The following FGF14 variants were observed in gnomAD, a reference collection of about 807,000 sequenced individuals.
FGF14 encodes fibroblast growth factor homologous factor 4.
Under a neutral mutation model 25.5 loss-of-function variants are expected in FGF14, and 5 were observed. The ratio of observed to expected loss-of-function variants is 0.20; its 90% CI spans 0.10 to 0.41. The LOEUF (loss-of-function observed/expected upper bound fraction) is 0.41. Among genes scored for constraint, FGF14 ranks in the 10% least tolerant of loss-of-function variants. The probability of loss-of-function intolerance (pLI) is 1.00; values close to 1 mark genes in which losing one functional copy is unlikely to be tolerated. For synonymous variants in FGF14, 138 were observed against 118.3 expected, an observed-to-expected ratio of 1.17 and a Z score of -1.08; for missense variants, 222 against 320.1, an observed-to-expected ratio of 0.69 and a Z score of 2.34.
At chr13:101,851,518 G>A (rs908094663) in intron 3 of FGF14, among the ~76,000 whole-genome samples, 5 of 152,024 alleles carry the variant, frequency 3.3e-5, no homozygotes, top group African/African-American at 1.2e-4. Flanking sequence ...TTTAAGCAAT[G>A]TACAATCTGG....
chr13:102,239,070 C>A (rs575298720), intron 1 of FGF14, among the ~76,000 whole-genome samples: 79 of 111,904 alleles, frequency 7.1e-4, no homozygotes, highest in Non-Finnish European at 9.8e-4. Context: ...TTCAGTAACT[C>A]GCTGGTTAAA....
intron 3 of FGF14, among the ~76,000 whole-genome samples, chr13:101,862,780 A>G (rs1223431849): frequency 6.6e-6 from 1 of 152,094 alleles, no homozygotes; most frequent in Non-Finnish European, 1.5e-5. Flanking sequence ...CCAAGATACC[A>G]AGAAAGGATA....
At chr13:101,787,461 A>G (rs2039905665) in intron 3 of FGF14, among the ~76,000 whole-genome samples, 1 of 152,108 alleles carries the variant, frequency 6.6e-6, no homozygotes, top group Admixed American at 6.5e-5. Context: ...CTTATACTGT[A>G]TTTTAAATCT....
At chr13:102,380,223 A>G (rs546490249) in intron 1 of FGF14, among the ~76,000 whole-genome samples, 2 of 152,258 alleles carry the variant, frequency 1.3e-5, no homozygotes, top group South Asian at 4.1e-4. Flanking sequence ...CTGACATTCC[A>G]TGGAACTGAC....
At chr13:102,111,434 G>T (rs1222930463) in intron 1 of FGF14, among the ~76,000 whole-genome samples, 2 of 152,126 alleles carry the variant, frequency 1.3e-5, no homozygotes, top group Admixed American at 6.5e-5. Context: ...TGTCTCATGG[G>T]TTAGGCATGG....
intron 1 of FGF14, among the ~76,000 whole-genome samples, chr13:102,161,661 GAA>G (rs1566765415): frequency 2.3e-4 from 6 of 26,276 alleles, no homozygotes; most frequent in Non-Finnish European, 4.6e-4. Flanking sequence ...AGAAGAAGAA[GAA>G]GAAGAAGAAG....
At chr13:102,395,478 G>A (rs1444587166) in intron 1 of FGF14, 1 of 152,204 alleles carries the variant, frequency 6.6e-6, no homozygotes, top group Non-Finnish European at 1.5e-5. Flanking sequence ...CCAAGGGAAT[G>A]TCTGCAGGAC....
At chr13:102,110,602 A>T (rs192072028) in intron 1 of FGF14, among the ~76,000 whole-genome samples, 1 of 152,290 alleles carries the variant, frequency 6.6e-6, no homozygotes. Flanking sequence ...AGAGCCACAG[A>T]TATTTTCTAA....
At chr13:101,969,995 C>T (rs1328750428) in intron 1 of FGF14, among the ~76,000 whole-genome samples, 1 of 152,230 alleles carries the variant, frequency 6.6e-6, no homozygotes, top group Non-Finnish European at 1.5e-5. Flanking sequence ...TTATTGTCAT[C>T]TGCCTTATAG....
rs1408881354 is a variant in FGF14 at position 101,987,343 on chromosome 13, C to G, written c.209-112047G>C. 7.2e-5 allele frequency among the ~76,000 whole-genome samples: 11 copies of G among 152,190 alleles called. No homozygotes were observed. In the South Asian group the frequency reaches 2.1e-3, roughly 29 times the overall value. ...CTGAGAACACACTGGTGCTCCTGCT[C>G]AGCAGCCTGCCTTTTTCCAGAACTC... is the stretch of plus-strand genomic sequence containing the variant. On this transcript the variant is annotated intron_variant, in intron 1 of 4. Transcript: ENST00000376131.
chr13:102,314,646 AG>A (rs2055931319), intron 1 of FGF14, among the ~76,000 whole-genome samples: 1 of 152,226 alleles, frequency 6.6e-6, no homozygotes, highest in South Asian at 2.1e-4. Flanking sequence ...GTGAATAAAC[AG>A]GTAGACGTAC....
intron 1 of FGF14, among the ~76,000 whole-genome samples, chr13:101,992,547 T>A (rs965937251): frequency 2.0e-5 from 3 of 152,012 alleles, no homozygotes; most frequent in Non-Finnish European, 4.4e-5. Context: ...TAAAACAATT[T>A]TGAACAATAT....
intron 1 of FGF14, among the ~76,000 whole-genome samples, chr13:102,102,821 G>A (rs1002441183): frequency 3.9e-5 from 6 of 152,112 alleles, no homozygotes; most frequent in Non-Finnish European, 8.8e-5. Flanking sequence ...AAGCACAAAA[G>A]TAACTTACAT....
chr13:102,155,001 A>C (rs2047262095), intron 1 of FGF14, among the ~76,000 whole-genome samples: 1 of 152,256 alleles, frequency 6.6e-6, no homozygotes, highest in African/African-American at 2.4e-5. Context: ...AGGAGCATAC[A>C]GATTCATAAA....
chr13:102,231,524 A>G (rs1001765785), intron 1 of FGF14, among the ~76,000 whole-genome samples: 26 of 152,312 alleles, frequency 1.7e-4, no homozygotes, highest in South Asian at 1.4e-3. Flanking sequence ...GTAAGCCACA[A>G]TTCTTGAGAT....
Position 101,714,438 on chromosome 13 carries a change from G to A in FGF14, c.*8393C>T, listed in dbSNP as rs762442232. The A allele has an allele frequency of 5.7e-6, 9 of 1,572,392 alleles. No individual in the cohort carries two copies. Among genetic ancestry groups the A allele is most frequent in the Non-Finnish European group, 7.0e-6 (8 of 1,142,476 alleles). ...TGAGTAATAGCCTTTGTAATTTCAGGTTCTTGTCATTGTGGGAAGTGCATT... is the reference window on the plus strand; with the variant it reads ...TGAGTAATAGCCTTTGTAATTTCAGATTCTTGTCATTGTGGGAAGTGCATT... On this transcript the variant is annotated 3_prime_UTR_variant, in exon 5 of 5. Coordinates refer to ENST00000376143, the MANE Select transcript of FGF14 (RefSeq NM_004115.4).
chr13:102,246,684 T>A (rs1198248810), intron 1 of FGF14, among the ~76,000 whole-genome samples: 2 of 152,012 alleles, frequency 1.3e-5, no homozygotes, highest in Non-Finnish European at 2.9e-5. Flanking sequence ...TTCAATGCTG[T>A]TCCTATCAAA....
At position 102,399,309 on chromosome 13, in the gene FGF14, T is replaced by C. The variant is rs1199583419; in HGVS notation, c.208+2162A>G. Among the ~76,000 whole-genome samples, 4 of 152,254 alleles carry C rather than the reference T, an allele frequency of 2.6e-5. No individual in the cohort carries two copies. In the East Asian group the frequency reaches 7.7e-4, roughly 29 times the overall value. ...CCACTCTCCAGTACTATGGAAGGACTGACTTCAAGGTCCCTAAGACAAATG... is the reference window on the plus strand; with the variant it reads ...CCACTCTCCAGTACTATGGAAGGACCGACTTCAAGGTCCCTAAGACAAATG... On this transcript the variant is annotated intron_variant, in intron 1 of 4. Coordinates refer to the FGF14 transcript ENST00000376131.
At chr13:102,144,523 TAA>T (rs1190885810) in intron 1 of FGF14, among the ~76,000 whole-genome samples, 4 of 151,834 alleles carry the variant, frequency 2.6e-5, no homozygotes, top group South Asian at 2.1e-4. Flanking sequence ...TGATTTAATA[TAA>T]GTGTGTTATA....
Sources: gnomAD v4.1 joint callset for allele counts (sites outside exome capture counted in the v4.1 genomes callset) on GRCh38, gnomAD v4.1.1 for gene constraint, MANE v1.5 for transcripts, NCBI Gene and HGNC (gene_info 2026-07-23, HGNC 2026-07-21) for gene names.